Variants in MANBAL observed in about 807,000 individuals in gnomAD.
MANBAL encodes mannosidase beta like.
Under a neutral mutation model 6.4 loss-of-function variants are expected in MANBAL, and 1 was observed. That is an observed-to-expected ratio of 0.16 (90% confidence interval 0.06 to 0.74). MANBAL has a LOEUF of 0.74. Ranked by LOEUF, MANBAL falls within the 30% of genes least tolerant of loss-of-function variation. MANBAL has a pLI of 0.78. For synonymous variants in MANBAL, 47 were observed against 45.8 expected, an observed-to-expected ratio of 1.03 and a Z score of -0.10; for missense variants, 100 against 107.8, an observed-to-expected ratio of 0.93 and a Z score of 0.32.
intron 2 of MANBAL, chr20:37,302,289 G>A (rs770496294): frequency 2.6e-6 from 4 of 1,550,592 alleles, no homozygotes; most frequent in Non-Finnish European, 3.5e-6. Context: ...GGAGTTCCAT[G>A]TAGAGGCCTG....
chr20:37,296,475 G>GT (rs1382210916), intron 1 of MANBAL, among the ~76,000 whole-genome samples: 4 of 151,950 alleles, frequency 2.6e-5, no homozygotes, highest in Non-Finnish European at 5.9e-5. Context: ...TTCAATTACT[G>GT]TTACTTTGCA....
At chr20:37,298,509 C>A (rs892374274) in intron 1 of MANBAL, among the ~76,000 whole-genome samples, 1 of 152,114 alleles carries the variant, frequency 6.6e-6, no homozygotes, top group Admixed American at 6.6e-5. Context: ...TTGTGTCTAG[C>A]TTATTTCATA....
At chr20:37,298,439 T>C (rs1042061341) in intron 1 of MANBAL, among the ~76,000 whole-genome samples, 1 of 152,198 alleles carries the variant, frequency 6.6e-6, no homozygotes, top group African/African-American at 2.4e-5. Context: ...CTACTTTCTG[T>C]CTCTGAATTT....
At chr20:37,314,400 C>T (rs2069457898) in intron 2 of MANBAL, among the ~76,000 whole-genome samples, 1 of 152,184 alleles carries the variant, frequency 6.6e-6, no homozygotes, top group South Asian at 2.1e-4. Flanking sequence ...GAGACAGGGC[C>T]TGTGGAGTGA....
chr20:37,291,996 T>G (rs2068882173), intron 1 of MANBAL, among the ~76,000 whole-genome samples: 1 of 152,226 alleles, frequency 6.6e-6, no homozygotes, highest in South Asian at 2.1e-4. Flanking sequence ...GCTATTCTCA[T>G]CACATCATAT....
chr20:37,310,424 C>T (rs1194295833), intron 2 of MANBAL, among the ~76,000 whole-genome samples: 1 of 152,212 alleles, frequency 6.6e-6, no homozygotes, highest in Non-Finnish European at 1.5e-5. Context: ...GAGGATATTC[C>T]TGCCTAACTC....
intron 1 of MANBAL, among the ~76,000 whole-genome samples, chr20:37,294,583 T>C (rs1039810327): frequency 7.2e-5 from 11 of 152,276 alleles, no homozygotes; most frequent in African/African-American, 2.7e-4. Flanking sequence ...CTCAGGGACT[T>C]GGCCCTTGCC....
At chr20:37,289,750 T>A (rs575370062) in intron 1 of MANBAL, 64 bp downstream of exon 1, 3 of 152,370 alleles carry the variant, frequency 2.0e-5, no homozygotes, top group Non-Finnish European at 4.4e-5. Context: ...TGCGGTGGCC[T>A]GGCTTTCCCG....
At chr20:37,312,168 C>T (rs1332888611) in intron 2 of MANBAL, among the ~76,000 whole-genome samples, 1 of 152,158 alleles carries the variant, frequency 6.6e-6, no homozygotes, top group Non-Finnish European at 1.5e-5. Context: ...AATATGTACA[C>T]ACACCCACAG....
At chr20:37,297,324 A>G (rs1390025522) in intron 1 of MANBAL, 2 of 152,340 alleles carry the variant, frequency 1.3e-5, no homozygotes, top group East Asian at 3.9e-4. Context: ...ACTTGGAACC[A>G]GATGATGTTG....
At chr20:37,300,169 C>T (rs935991243) in intron 1 of MANBAL, among the ~76,000 whole-genome samples, 1 of 152,162 alleles carries the variant, frequency 6.6e-6, no homozygotes. Flanking sequence ...TTTACTCAAT[C>T]AAATTGGAGG....
Position 37,312,104 on chromosome 20 carries a change from G to A in MANBAL, c.151-4204G>A, listed in dbSNP as rs1265176815. Among the ~76,000 whole-genome samples the A allele has an allele frequency of 2.0e-5, 3 of 152,184 alleles. No individual in the cohort carries two copies. In the East Asian group the frequency reaches 5.8e-4, roughly 29 times the overall value. On this transcript the variant is annotated intron_variant, in intron 2 of 2. Transcript: ENST00000373606. ...AAAGCTGAGGTAGGGAAGAGAGGAG[G>A]AGGTCTGGGGTGAGGAGGAGACAGA...
chr20:37,297,845 A>G (rs746285343), intron 1 of MANBAL, among the ~76,000 whole-genome samples: 32 of 151,970 alleles, frequency 2.1e-4, no homozygotes, highest in Non-Finnish European at 4.4e-4. Context: ...GGGTTTCTCC[A>G]TGTTGGTCAG....
chr20:37,307,756 CAAA>C (rs57668746), intron 2 of MANBAL, among the ~76,000 whole-genome samples: 3 of 101,936 alleles, frequency 2.9e-5, no homozygotes, highest in Non-Finnish European at 4.1e-5. Context: ...GACTCCATCT[CAAA>C]AAAAAAAAAA....
At chr20:37,290,051 A>G (rs1483893104) in intron 1 of MANBAL, among the ~76,000 whole-genome samples, 2 of 152,126 alleles carry the variant, frequency 1.3e-5, no homozygotes, top group Non-Finnish European at 2.9e-5. Flanking sequence ...TGGCTCTCTT[A>G]CCGTGGGCAA....
intron 2 of MANBAL, among the ~76,000 whole-genome samples, chr20:37,316,078 G>A (rs1033181826): frequency 1.3e-5 from 2 of 152,208 alleles, no homozygotes; most frequent in Non-Finnish European, 2.9e-5. Context: ...CTACCTGGGC[G>A]TCTGAGACCC....
intron 2 of MANBAL, among the ~76,000 whole-genome samples, chr20:37,314,400 C>G (rs2069457898): frequency 6.6e-6 from 1 of 152,066 alleles, no homozygotes; most frequent in Non-Finnish European, 1.5e-5. Flanking sequence ...GAGACAGGGC[C>G]TGTGGAGTGA....
intron 1 of MANBAL, chr20:37,297,083 T>C (rs1164571163): frequency 6.6e-6 from 1 of 152,208 alleles, no homozygotes; most frequent in East Asian, 1.9e-4. Context: ...CTTTATGAGG[T>C]GCAACTGCGG....
chr20:37,300,958 C>T (rs574690003), intron 1 of MANBAL, among the ~76,000 whole-genome samples: 1 of 151,908 alleles, frequency 6.6e-6, no homozygotes, highest in Non-Finnish European at 1.5e-5. Context: ...GCGTGGCCAA[C>T]GTGGTGAAAC....
Sources: allele counts gnomAD v4.1 joint callset (sites outside exome capture counted in the v4.1 genomes callset), GRCh38; gene constraint gnomAD v4.1.1; transcripts MANE v1.5; gene names NCBI Gene and HGNC (gene_info 2026-07-23, HGNC 2026-07-21).